PITPNC1: variants seen among roughly 807,000 people sequenced by gnomAD.
PITPNC1 encodes the protein phosphatidylinositol transfer protein cytoplasmic 1, also known as cytoplasmic phosphatidylinositol transfer protein 1.
A neutral mutation model predicts 44.7 loss-of-function variants in PITPNC1; 18 were observed. That is an observed-to-expected ratio of 0.40 (90% CI 0.28 to 0.60). The LOEUF is 0.60. PITPNC1 is among the 20% of genes least tolerant of loss of function. The probability of loss-of-function intolerance (pLI) is 0.39; values close to 1 mark genes in which losing one functional copy is unlikely to be tolerated. For synonymous variants in PITPNC1, 141 were observed against 149.6 expected, an observed-to-expected ratio of 0.94 and a Z score of 0.42; for missense variants, 290 against 418.4, an observed-to-expected ratio of 0.69 and a Z score of 2.68.
chr17:67,499,296 C>G (rs1277828002), intron 1 of PITPNC1, among the ~76,000 whole-genome samples: 1 of 152,162 alleles, frequency 6.6e-6, no homozygotes, highest in African/African-American at 2.4e-5. Flanking sequence ...CTCACTGCAA[C>G]CTTCACCTCC....
intron 5 of PITPNC1, among the ~76,000 whole-genome samples, chr17:67,589,977 G>A (rs1466612388): frequency 6.6e-6 from 1 of 151,420 alleles, no homozygotes; most frequent in African/African-American, 2.4e-5. Context: ...CAAAAGGAAA[G>A]GAAAGGAAAG....
intron 6 of PITPNC1, among the ~76,000 whole-genome samples, chr17:67,634,351 C>A (rs534651544): frequency 2.0e-5 from 3 of 151,990 alleles, no homozygotes; most frequent in Non-Finnish European, 2.9e-5. Flanking sequence ...CCAAGGCAGG[C>A]GGCTCACTTG....
intron 1 of PITPNC1, among the ~76,000 whole-genome samples, chr17:67,527,734 G>A (rs1306000760): frequency 6.6e-6 from 1 of 151,290 alleles, no homozygotes; most frequent in Non-Finnish European, 1.5e-5. Context: ...GCTGGGTGCA[G>A]TGGCTCACGC....
chr17:67,436,657 T>C (rs2038940774), intron 1 of PITPNC1, among the ~76,000 whole-genome samples: 1 of 152,112 alleles, frequency 6.6e-6, no homozygotes, highest in South Asian at 2.1e-4. Flanking sequence ...TGATTCATGT[T>C]TCTTGGCTGT....
chr17:67,658,045 G>A (rs1482220402), intron 6 of PITPNC1, among the ~76,000 whole-genome samples: 4 of 152,196 alleles, frequency 2.6e-5, no homozygotes, highest in Non-Finnish European at 5.9e-5. Flanking sequence ...GGGCAAGGTC[G>A]GGCACAGCCA....
chr17:67,492,696 C>T (rs1299253156), intron 1 of PITPNC1, among the ~76,000 whole-genome samples: 1 of 152,208 alleles, frequency 6.6e-6, no homozygotes, highest in East Asian at 1.9e-4. Flanking sequence ...AGGACAGCTA[C>T]TGTCCTGATT....
At chr17:67,563,992 A>C (rs371569712) in intron 4 of PITPNC1, among the ~76,000 whole-genome samples, 25 of 152,144 alleles carry the variant, frequency 1.6e-4, no homozygotes, top group East Asian at 9.6e-4. Context: ...AGAGATGGAT[A>C]GATAGATTAG....
chr17:67,520,846 A>C (rs188198957), intron 1 of PITPNC1, among the ~76,000 whole-genome samples: 1 of 152,292 alleles, frequency 6.6e-6, no homozygotes, highest in African/African-American at 2.4e-5. Context: ...GTCATTTATA[A>C]ATACAAGGAC....
intron 6 of PITPNC1, among the ~76,000 whole-genome samples, chr17:67,654,237 A>G (rs2042239597): frequency 6.6e-6 from 1 of 152,148 alleles, no homozygotes; most frequent in African/African-American, 2.4e-5. Flanking sequence ...TTCTCTCGCA[A>G]TTCCTCCAAC....
intron 4 of PITPNC1, among the ~76,000 whole-genome samples, chr17:67,573,451 A>G (rs964729852): frequency 1.3e-5 from 2 of 151,590 alleles, no homozygotes; most frequent in African/African-American, 4.9e-5. Context: ...CAGTGTAGAG[A>G]GGTCTCCAGG....
chr17:67,436,909 T>TTG lies in PITPNC1; in HGVS notation c.48+58708_48+58709insGT, dbSNP rs1491265151. On this transcript the variant is annotated intron_variant, in intron 1 of 8. Transcript: ENST00000581322. ...CTGATTGTATTTGAAAATAGGGGTGTTTTTTTTTTTTTTTTTTTTTTTTTT... is the reference window on the plus strand; with the variant it reads ...CTGATTGTATTTGAAAATAGGGGTGTTGTTTTTTTTTTTTTTTTTTTTTTTTT... Among the ~76,000 whole-genome samples, 221 of 68,902 alleles carry TTG rather than the reference T, an allele frequency of 3.2e-3. 1 individual carries two copies. The highest frequency in any genetic ancestry group is 0.014 in the African/African-American group (212 of 15,526). 45.2% of individuals were successfully genotyped at this position (68,902 alleles called of 152,430 possible). A position where few individuals can be genotyped will look rare whatever the true frequency, so the allele number is the denominator to read the frequency against.
At chr17:67,448,852 C>T (rs142797255) in intron 1 of PITPNC1, among the ~76,000 whole-genome samples, 35 of 152,264 alleles carry the variant, frequency 2.3e-4, no homozygotes, top group Non-Finnish European at 3.5e-4. Flanking sequence ...CGATCTCCTC[C>T]GCCTCCCGGG....
intron 1 of PITPNC1, among the ~76,000 whole-genome samples, chr17:67,421,469 G>T (rs1443446050): frequency 1.3e-5 from 2 of 152,080 alleles, no homozygotes; most frequent in Non-Finnish European, 2.9e-5. Flanking sequence ...TTTTACTAGA[G>T]ATGGGGTTTT....
chr17:67,639,132 AAAGAAAAGAATCC>A (rs947698826), intron 6 of PITPNC1, among the ~76,000 whole-genome samples: 1 of 152,104 alleles, frequency 6.6e-6, no homozygotes, highest in Non-Finnish European at 1.5e-5. Context: ...CTAAAAAAGA[AAAGAAAAGAATCC>A]AAACTGCACC....
intron 6 of PITPNC1, among the ~76,000 whole-genome samples, chr17:67,641,852 A>G (rs1045974578): frequency 2.0e-5 from 3 of 151,368 alleles, no homozygotes; most frequent in Non-Finnish European, 2.9e-5. Context: ...CCATGTGTAC[A>G]TCATTCTCCA....
intron 5 of PITPNC1, among the ~76,000 whole-genome samples, chr17:67,581,202 T>C (rs927170471): frequency 6.6e-6 from 1 of 152,240 alleles, no homozygotes; most frequent in Non-Finnish European, 1.5e-5. Context: ...TGGCAGGTGC[T>C]CAGGTTTTTT....
intron 1 of PITPNC1, among the ~76,000 whole-genome samples, chr17:67,417,652 CTTAAG>C (rs1339994104): frequency 6.6e-6 from 1 of 152,138 alleles, no homozygotes; most frequent in Non-Finnish European, 1.5e-5. Context: ...TTGCACAGCT[CTTAAG>C]TTATTTCTCA....
At chr17:67,599,023 TATATATATA>T (rs1222966228) in intron 5 of PITPNC1, among the ~76,000 whole-genome samples, 661 of 35,064 alleles carry the variant, frequency 0.019, 16 homozygotes, top group African/African-American at 0.076. Flanking sequence ...TATATATATA[TATATATATA>T]TATTTTTTTT....
At chr17:67,628,373 G>A (rs57527613) in intron 5 of PITPNC1, among the ~76,000 whole-genome samples, 14,618 of 152,090 alleles carry the variant, frequency 0.096, 1,815 homozygotes, top group African/African-American at 0.29. Context: ...ATCAGTCAGG[G>A]CCCAATCAGG....
Sources: allele counts gnomAD v4.1 joint callset (sites outside exome capture counted in the v4.1 genomes callset), GRCh38; gene constraint gnomAD v4.1.1; transcripts MANE v1.5; gene names NCBI Gene and HGNC (gene_info 2026-07-23, HGNC 2026-07-21).